AAK1: variants seen among roughly 807,000 people sequenced by gnomAD.
AAK1 encodes AP2 associated kinase 1, also known as AP2-associated protein kinase 1.
A neutral mutation model predicts 116.0 loss-of-function variants in AAK1; 37 were observed. That is an observed-to-expected ratio of 0.32 (90% CI 0.25 to 0.42). The LOEUF is 0.42. Among genes scored for constraint, AAK1 ranks in the 10% least tolerant of loss-of-function variants. The pLI, the probability that AAK1 is intolerant of heterozygous loss-of-function variation, is 1.00. For synonymous variants in AAK1, 458 were observed against 439.9 expected (o/e 1.04, Z -0.51); for missense variants, 919 against 1,170.6 (o/e 0.79, Z 3.14).
At chr2:69,573,663 T>C (rs1287639867) in intron 2 of AAK1, among the ~76,000 whole-genome samples, 1 of 152,142 alleles carries the variant, frequency 6.6e-6, no homozygotes, top group African/African-American at 2.4e-5. Context: ...TAGGAATCCA[T>C]CTTAAGGAAA....
intron 16 of AAK1, among the ~76,000 whole-genome samples, chr2:69,504,506 G>A (rs891810362): frequency 1.3e-5 from 2 of 150,856 alleles, no homozygotes; most frequent in African/African-American, 4.9e-5. Flanking sequence ...GGTGGCTCAC[G>A]CCTGTAATCC....
chr2:69,612,376 T>C (rs927871143), intron 2 of AAK1, among the ~76,000 whole-genome samples: 2 of 152,234 alleles, frequency 1.3e-5, no homozygotes, highest in Non-Finnish European at 2.9e-5. Flanking sequence ...GCAAGTTGCT[T>C]AAACTTTCTC....
chr2:69,463,199 G>C lies in AAK1; in HGVS notation c.*12670C>G, dbSNP rs1674385406. On this transcript the variant is annotated 3_prime_UTR_variant, in exon 22 of 22. Coordinates refer to ENST00000409085, the MANE Select transcript of AAK1 (RefSeq NM_014911.5). The stretch of plus-strand genomic sequence containing the variant: ...ATTTTTAAATCATTGATCTGGCTTG[G>C]TAAATAGCTCTCCAAACTTCTACAG... 6.6e-6 allele frequency: 1 copy of C among 152,200 alleles called. No homozygotes were observed. The highest frequency in any genetic ancestry group is 1.5e-5 in the Non-Finnish European group (1 of 68,030). The allele number at this position is 152,200 out of a possible 1,614,324, so 9.4% of individuals were successfully genotyped here.
intron 16 of AAK1, 116 bp downstream of exon 16, chr2:69,505,453 T>TAC (rs1676147363): frequency 1.6e-6 from 1 of 630,576 alleles, no homozygotes; most frequent in Non-Finnish European, 2.7e-6. Context: ...TATATATATA[T>TAC]ACACGGTACT....
intron 2 of AAK1, among the ~76,000 whole-genome samples, chr2:69,558,581 C>T (rs1057239552): frequency 6.6e-6 from 1 of 152,186 alleles, no homozygotes; most frequent in Non-Finnish European, 1.5e-5. Flanking sequence ...CTGCCTTGTA[C>T]ATTGTCATCA....
Position 69,509,417 on chromosome 2 carries a change from G to A in AAK1, c.1820C>T (p.Pro607Leu), listed in dbSNP as rs748109957. 1.4e-5 allele frequency: 22 copies of A among 1,613,784 alleles called. No homozygotes were observed. Among genetic ancestry groups the A allele is most frequent in the Non-Finnish European group, 1.7e-5 (20 of 1,179,874 alleles). ...TTTCTGCCCCTGGACGGCAGGAGGTGGGGTTGTCTGAACCTTTGGCTGTTG... is the reference window on the plus strand; with the variant it reads ...TTTCTGCCCCTGGACGGCAGGAGGTAGGGTTGTCTGAACCTTTGGCTGTTG... ...VRQQPKVQTTPPPAVQGQKVG... is the reference protein window; with the variant it reads ...VRQQPKVQTTLPPAVQGQKVG... The change falls in exon 14 of 22, where the codon CCA becomes CTA. Residue 607 changes from proline (P) to leucine (L), a missense_variant. Pro to Leu is a moderately conservative substitution (Grantham distance 98, BLOSUM62 -3). Transcript: ENST00000409085.
chr2:69,623,013 T>C (rs1426934610), intron 2 of AAK1, among the ~76,000 whole-genome samples: 3 of 152,082 alleles, frequency 2.0e-5, no homozygotes, highest in East Asian at 1.9e-4. Context: ...GAGACATCAG[T>C]GGCAACCCAC....
intron 2 of AAK1, among the ~76,000 whole-genome samples, chr2:69,623,240 C>T (rs923150216): frequency 2.0e-5 from 3 of 152,094 alleles, no homozygotes; most frequent in Non-Finnish European, 4.4e-5. Flanking sequence ...CCAAACACAC[C>T]GCCTTTAAGA....
intron 2 of AAK1, among the ~76,000 whole-genome samples, chr2:69,564,527 C>T (rs1671783391): frequency 1.3e-5 from 2 of 152,204 alleles, no homozygotes; most frequent in African/African-American, 4.8e-5. Context: ...TACACCACTA[C>T]AAGTCATGCA....
rs1194614031 is a variant in AAK1 at position 69,459,184 on chromosome 2, G to A, written c.*16685C>T. On this transcript the variant is annotated 3_prime_UTR_variant, in exon 22 of 22. Coordinates refer to ENST00000409085, the MANE Select transcript of AAK1 (RefSeq NM_014911.5). ...CTCTGGGTTGTCACTACAGAGTAAG[G>A]CTGGGGTCCTGCCAACCTTCCTTCA... 6.6e-6 allele frequency: 1 copy of A among 152,216 alleles called. No homozygotes were observed. Among genetic ancestry groups the A allele is most frequent in the Non-Finnish European group, 1.5e-5 (1 of 68,050 alleles). 9.4% of individuals were successfully genotyped at this position (152,216 alleles called of 1,614,324 possible).
At chr2:69,559,588 A>T (rs1671545505) in intron 2 of AAK1, among the ~76,000 whole-genome samples, 1 of 152,250 alleles carries the variant, frequency 6.6e-6, no homozygotes, top group South Asian at 2.1e-4. Context: ...TCACGGAACT[A>T]CAGACTTCAC....
intron 2 of AAK1, among the ~76,000 whole-genome samples, chr2:69,607,891 T>C (rs892017408): frequency 2.6e-5 from 4 of 152,164 alleles, no homozygotes; most frequent in Non-Finnish European, 5.9e-5. Context: ...TCAAAAGAAT[T>C]GTCTTATAGG....
At chr2:69,612,938 T>A (rs1446783868) in intron 2 of AAK1, among the ~76,000 whole-genome samples, 1 of 152,214 alleles carries the variant, frequency 6.6e-6, no homozygotes, top group African/African-American at 2.4e-5. Context: ...CATATCAGTG[T>A]CCTTAGGGGA....
chr2:69,517,387 T>C (rs926886764), intron 12 of AAK1, among the ~76,000 whole-genome samples: 1 of 152,140 alleles, frequency 6.6e-6, no homozygotes, highest in African/African-American at 2.4e-5. Flanking sequence ...TGATCAGTGA[T>C]ACCTGCTAAG....
At chr2:69,501,693 A>G (rs1041327377) in intron 16 of AAK1, among the ~76,000 whole-genome samples, 16 of 152,224 alleles carry the variant, frequency 1.1e-4, no homozygotes, top group African/African-American at 7.2e-5. Context: ...GAAAATGGCC[A>G]GGCGAGGTGG....
chr2:69,623,062 G>A (rs964687976), intron 2 of AAK1, among the ~76,000 whole-genome samples: 4 of 151,942 alleles, frequency 2.6e-5, no homozygotes, highest in Non-Finnish European at 5.9e-5. Context: ...TTGTTCTTTC[G>A]CTCTTTGCAA....
At chr2:69,618,463 C>T (rs1283748181) in intron 2 of AAK1, among the ~76,000 whole-genome samples, 1 of 152,152 alleles carries the variant, frequency 6.6e-6, no homozygotes, top group Non-Finnish European at 1.5e-5. Flanking sequence ...GCATCACTAG[C>T]CCTCTGATGC....
At chr2:69,500,732 C>CACAA (rs1675950918) in intron 16 of AAK1, among the ~76,000 whole-genome samples, 1 of 140,490 alleles carries the variant, frequency 7.1e-6, no homozygotes, top group Non-Finnish European at 1.6e-5. Context: ...CACACACACA[C>CACAA]AACCATTTGC....
Position 69,469,206 on chromosome 2 carries a change from C to A in AAK1, c.*6663G>T. The A allele has an allele frequency of 1.0e-6, 1 of 985,426 alleles. No individual in the cohort carries two copies. The highest frequency in any genetic ancestry group is 1.2e-6 in the Non-Finnish European group (1 of 829,958). 61.0% of individuals were successfully genotyped at this position (985,426 alleles called of 1,614,324 possible). On this transcript the variant is annotated 3_prime_UTR_variant, in exon 22 of 22. Transcript: ENST00000409085. ...GGCGGAGAGCAACCACACTTTGCAACTCTCCAGGCCTGGCACTCTGAAGGG... is the reference window on the plus strand; with the variant it reads ...GGCGGAGAGCAACCACACTTTGCAAATCTCCAGGCCTGGCACTCTGAAGGG...
Sources: allele counts gnomAD v4.1 joint callset (sites outside exome capture counted in the v4.1 genomes callset), GRCh38; gene constraint gnomAD v4.1.1; transcripts MANE v1.5; gene names NCBI Gene and HGNC (gene_info 2026-07-23, HGNC 2026-07-21).